The following RRP1 variants were observed in gnomAD, a reference collection of about 807,000 sequenced individuals.
RRP1 encodes the protein ribosomal RNA processing protein 1 homolog A.
RRP1 carries 37 observed loss-of-function variants against 54.6 expected under a neutral mutation model. That is an observed-to-expected ratio of 0.68 (90% confidence interval 0.52 to 0.89). The LOEUF (loss-of-function observed/expected upper bound fraction) is 0.89, where lower values mean the gene tolerates loss of function less well. RRP1 is among the 40% of genes least tolerant of loss of function. The pLI is 0.00. For missense variants in RRP1, 639 were observed against 612.5 expected (o/e 1.04, Z -0.46); for synonymous variants, 262 against 244.3 (o/e 1.07, Z -0.67).
Position 43,805,276 on chromosome 21 carries a change from CAAAAAAAA to C in RRP1, c.*1512_*1519del, listed in dbSNP as rs59150143. The stretch of plus-strand genomic sequence containing the variant: ...GGGCAACGAGAGGGAAACTCTGTTT[CAAAAAAAA>C]AAAAAAAAAGACAAGCGTGTCTAAC... On this transcript the variant is annotated 3_prime_UTR_variant, in exon 13 of 13. Coordinates refer to ENST00000497547, the MANE Select transcript of RRP1 (RefSeq NM_003683.6). 8.4e-6 allele frequency: 1 copy of C among 119,540 alleles called. No homozygotes were observed. The highest frequency in any genetic ancestry group is 1.9e-5 in the Non-Finnish European group (1 of 53,388). 7.4% of individuals were successfully genotyped at this position (119,540 alleles called of 1,614,324 possible). A position where few individuals can be genotyped will look rare whatever the true frequency, so the allele number is the denominator to read the frequency against.
chr21:43,802,405 G>C lies in RRP1; in HGVS notation c.1123+18G>C. 1 of 1,599,286 alleles carries C rather than the reference G, an allele frequency of 6.3e-7. No homozygotes were observed. The highest frequency in any genetic ancestry group is 8.6e-7 in the Non-Finnish European group (1 of 1,166,936). On this transcript the variant is annotated intron_variant, in intron 12 of 12. Coordinates refer to ENST00000497547, the MANE Select transcript of RRP1 (RefSeq NM_003683.6). ...GGAGAGAGGTAGGACTAGGGGGTGTGTTAGTCATGGAGCCGGCGTCCTCAC... is the reference window on the plus strand; with the variant it reads ...GGAGAGAGGTAGGACTAGGGGGTGTCTTAGTCATGGAGCCGGCGTCCTCAC...
At chr21:43,799,165 C>T (rs2085055748) in intron 8 of RRP1, among the ~76,000 whole-genome samples, 1 of 152,152 alleles carries the variant, frequency 6.6e-6, no homozygotes, top group East Asian at 1.9e-4. Context: ...GAAACATCAG[C>T]TCCCACAGCT....
Position 43,797,557 on chromosome 21 carries a change from G to T in RRP1, c.552+6G>T, listed in dbSNP as rs755670933. 26 of 1,613,890 alleles carry T rather than the reference G, an allele frequency of 1.6e-5. No homozygotes were observed. Among genetic ancestry groups the T allele is most frequent in the South Asian group, 1.5e-4 (14 of 91,086 alleles). ...CCAAAGTGGGCGCCGAGGAGGTGAG[G>T]CTGGGCTCCGACGGGGCGGTGGAGC... On this transcript the variant is annotated splice_donor_region_variant and intron_variant, in intron 6 of 12. Coordinates refer to ENST00000497547, the MANE Select transcript of RRP1 (RefSeq NM_003683.6).
rs774781312 is a variant in RRP1 at position 43,800,838 on chromosome 21, T to C, written c.990-24T>C. 23 of 1,613,212 alleles carry C rather than the reference T, an allele frequency of 1.4e-5. 1 individual carries two copies. The South Asian group carries it at 2.4e-4, about 17-fold the overall frequency. On this transcript the variant is annotated intron_variant, in intron 10 of 12. Transcript: ENST00000497547. ...CTGCGGAAGCCGCAGCTGTGGTAAGTGGGTATCTGTCTTACTCTTTCAGGC... is the reference window on the plus strand; with the variant it reads ...CTGCGGAAGCCGCAGCTGTGGTAAGCGGGTATCTGTCTTACTCTTTCAGGC...
At chr21:43,796,728 G>A (rs1443013822) in intron 5 of RRP1, among the ~76,000 whole-genome samples, 1 of 152,114 alleles carries the variant, frequency 6.6e-6, no homozygotes, top group African/African-American at 2.4e-5. Context: ...GCCTTGCTAC[G>A]GAGCTTCCTA....
intron 4 of RRP1, 134 bp downstream of exon 4, chr21:43,793,538 G>A: frequency 7.2e-6 from 5 of 693,120 alleles, no homozygotes; most frequent in Admixed American, 2.4e-5. Flanking sequence ...GGGAGGTGGA[G>A]CCGAGACTCT....
rs192661788 is a variant in RRP1, at chr21:43,800,894, C to G, written c.1009+13C>G. On this transcript the variant is annotated intron_variant, in intron 11 of 12. Coordinates refer to ENST00000497547, the MANE Select transcript of RRP1 (RefSeq NM_003683.6). ...GACCTGGCAGGAGGTGAGGATCGGC[C>G]GGGCACTGACAGTGGCACCACCTTG... The G allele has an allele frequency of 3.1e-6, 5 of 1,613,628 alleles. No homozygotes were observed. The highest frequency in any genetic ancestry group is 2.5e-6 in the Non-Finnish European group (3 of 1,179,964).
chr21:43,804,012 C>T lies in RRP1; in HGVS notation c.*238C>T, dbSNP rs1212295385. The T allele has an allele frequency of 1.2e-5, 6 of 494,526 alleles. No individual in the cohort carries two copies. In the East Asian group the frequency reaches 2.0e-4, roughly 17 times the overall value. The allele number at this position is 494,526 out of a possible 1,614,324, so 30.6% of individuals were successfully genotyped here. On this transcript the variant is annotated 3_prime_UTR_variant, in exon 13 of 13. Transcript: ENST00000497547. The surrounding 1 kb of genome is among the most constrained non-coding windows in gnomAD (Gnocchi z 4.3). ...GATGACCTTGGGCCAGAAGGTCAAA[C>T]TCCGAAGACTGAAACTCTGCCTGCA...
Position 43,797,626 on chromosome 21 carries a change from C to T in RRP1, c.553-5C>T, listed in dbSNP as rs753227564. On this transcript the variant is annotated splice_region_variant and splice_polypyrimidine_tract_variant and intron_variant, in intron 6 of 12. Coordinates refer to ENST00000497547, the MANE Select transcript of RRP1 (RefSeq NM_003683.6). Reference sequence around the variant, plus strand: ...GAACTGAGCTCCCGCTGGCTTTCCCCGTAGCTTACGGCAGACCAGAACCTG... The same window carrying T: ...GAACTGAGCTCCCGCTGGCTTTCCCTGTAGCTTACGGCAGACCAGAACCTG... 2.4e-5 allele frequency: 39 copies of T among 1,614,068 alleles called. No individual in the cohort carries two copies. Among genetic ancestry groups the T allele is most frequent in the South Asian group, 6.6e-5 (6 of 91,084 alleles).
Position 43,795,232 on chromosome 21 carries a change from T to TGCAAGG in RRP1, c.405_410dup (p.Gln136_Gly137dup). 1 of 1,613,936 alleles carries TGCAAGG rather than the reference T, an allele frequency of 6.2e-7. No homozygotes were observed. The highest frequency in any genetic ancestry group is 1.1e-5 in the South Asian group (1 of 91,072). On this transcript the variant is annotated inframe_insertion, in exon 5 of 13. Coordinates refer to ENST00000497547, the MANE Select transcript of RRP1 (RefSeq NM_003683.6). ...AACGAGTCCTTGAAGGTTCTGAAGA[T>TGCAAGG]GCAAGGCTGGGAAGAAAGGTGGGTG... is the stretch of plus-strand genomic sequence containing the variant.
intron 11 of RRP1, among the ~76,000 whole-genome samples, chr21:43,802,066 A>C (rs556131895): frequency 6.6e-6 from 1 of 152,140 alleles, no homozygotes; most frequent in Non-Finnish European, 1.5e-5. Flanking sequence ...TGCTCCAGGA[A>C]CTGGCTTTTC....
In RRP1 at chr21:43,803,653, C is replaced by A; in HGVS notation, c.1265C>A (p.Pro422His). ...GAGCGGGCCCTGCTCCGAGATCAGC[C>A]CAGGGGCCGTGGCCAGAGAGGGGCT... ...TAERALLRDQ[P>H]RGRGQRGARQ... Residue 422 changes from proline (P) to histidine (H), a missense_variant, in exon 13 of 13, where the codon CCC (proline) becomes CAC (histidine). By Grantham distance (77) the Pro-to-His change is moderately conservative. Transcript: ENST00000497547. The A allele has an allele frequency of 6.4e-7, 1 of 1,551,660 alleles. No homozygotes were observed. Among genetic ancestry groups the A allele is most frequent in the Non-Finnish European group, 8.7e-7 (1 of 1,148,066 alleles).
At position 43,799,602 on chromosome 21, in the gene RRP1, G is replaced by A; in HGVS notation, c.844G>A (p.Glu282Lys). 2 of 1,612,346 alleles carry A rather than the reference G, an allele frequency of 1.2e-6. No individual in the cohort carries two copies. The highest frequency in any genetic ancestry group is 1.7e-5 in the Admixed American group (1 of 59,968). The change falls in exon 9 of 13, where the codon GAG (glutamate) becomes AAG (lysine). Residue 282 changes from glutamate to lysine, a missense_variant. Coordinates refer to ENST00000497547, the MANE Select transcript of RRP1 (RefSeq NM_003683.6). ...CTGCAGGGCTGAACCTGAGGCTGGT[G>A]AGGAGCAGGCAGGTGACGACAGGGA... is the stretch of plus-strand genomic sequence containing the variant. ...SICRAEPEAG[E>K]EQAGDDRDSG...
At chr21:43,800,293 C>T (rs1383029232) in intron 9 of RRP1, among the ~76,000 whole-genome samples, 3 of 150,868 alleles carry the variant, frequency 2.0e-5, no homozygotes, top group South Asian at 2.1e-4. Flanking sequence ...GAGTGTGCCC[C>T]GCAGTGCGTG....
At chr21:43,799,722 G>C (rs916268854) in intron 9 of RRP1, 73 bp downstream of exon 9, 2 of 1,418,046 alleles carry the variant, frequency 1.4e-6, no homozygotes, top group African/African-American at 2.8e-5. Context: ...TGGAAGAGGA[G>C]GGGGGCGTTA....
chr21:43,793,243 C>T (rs1375078732), intron 3 of RRP1, 76 bp from the exon 4 acceptor site: 9 of 1,313,616 alleles, frequency 6.9e-6, no homozygotes, highest in Middle Eastern at 1.8e-4. Context: ...GAACGGGTTC[C>T]TCCATGTTCT....
Position 43,797,966 on chromosome 21 carries a change from C to T in RRP1, c.677C>T (p.Pro226Leu), listed in dbSNP as rs1353860457. Residue 226 changes from proline to leucine, a missense_variant, in exon 8 of 13, where the codon CCG (proline) becomes CTG (leucine). By Grantham distance (98) the Pro-to-Leu change is moderately conservative (BLOSUM62 -3). Coordinates refer to ENST00000497547, the MANE Select transcript of RRP1 (RefSeq NM_003683.6). ...TTTGAGACGATTGTGGAGCAGGCCCCGCTTGCCATTGAAGACCTCCTGAAT... is the reference window on the plus strand; with the variant it reads ...TTTGAGACGATTGTGGAGCAGGCCCTGCTTGCCATTGAAGACCTCCTGAAT... The part of the protein sequence containing the change: ...GIFETIVEQA[P>L]LAIEDLLNEL... 7.4e-6 allele frequency: 12 copies of T among 1,614,034 alleles called. No homozygotes were observed. Among genetic ancestry groups the T allele is most frequent in the African/African-American group, 1.3e-5 (1 of 74,908 alleles).
At chr21:43,790,746 G>C (rs1457076117) in intron 1 of RRP1, 1 of 298,680 alleles carries the variant, frequency 3.3e-6, no homozygotes, top group Non-Finnish European at 6.6e-6. Flanking sequence ...GTGCGGCCAG[G>C]CCAGCTAAGT....
chr21:43,803,108 G>C (rs943755733), intron 12 of RRP1, among the ~76,000 whole-genome samples: 1 of 152,256 alleles, frequency 6.6e-6, no homozygotes, highest in Non-Finnish European at 1.5e-5. Flanking sequence ...CATTGAAGCC[G>C]TCCATCTCAT....
Sources: gnomAD v4.1 joint callset for allele counts (sites outside exome capture counted in the v4.1 genomes callset) on GRCh38, gnomAD v4.1.1 for gene constraint, Gnocchi (gnomAD v3.1) non-coding constraint, MANE v1.5 for transcripts, NCBI Gene and HGNC (gene_info 2026-07-23, HGNC 2026-07-21) for gene names.